Variants in IGF2BP1 observed in about 807,000 individuals in gnomAD.
IGF2BP1 encodes the protein insulin-like growth factor 2 mRNA-binding protein 1.
IGF2BP1 carries 11 observed loss-of-function variants against 74.9 expected under a neutral mutation model. That is an observed-to-expected ratio of 0.15 (90% CI 0.09 to 0.24). The LOEUF is 0.24. Among genes scored for constraint, IGF2BP1 ranks in the 10% least tolerant of loss-of-function variants. IGF2BP1 has a pLI of 1.00. For missense variants in IGF2BP1, 440 were observed against 757.4 expected (o/e 0.58, Z 4.92); for synonymous variants, 287 against 281.8 (o/e 1.02, Z -0.18).
chr17:49,031,473 G>A (rs1408053864), intron 4 of IGF2BP1, among the ~76,000 whole-genome samples: 2 of 151,900 alleles, frequency 1.3e-5, no homozygotes, highest in African/African-American at 2.4e-5. Context: ...TCAAGTTGGA[G>A]TATCTGCCAG....
intron 2 of IGF2BP1, among the ~76,000 whole-genome samples, chr17:49,016,911 C>T (rs1007894555): frequency 2.6e-5 from 4 of 150,998 alleles, no homozygotes; most frequent in Non-Finnish European, 5.9e-5. Flanking sequence ...TCCTCCCCTC[C>T]CCGCCCCCGC....
rs2144165908 is a variant in IGF2BP1 at position 49,050,209 on chromosome 17, C to G, written c.*765C>G. 1 of 152,756 alleles carries G rather than the reference C, an allele frequency of 6.5e-6. No homozygotes were observed. The highest frequency in any genetic ancestry group is 1.5e-5 in the Non-Finnish European group (1 of 68,048). 9.5% of individuals were successfully genotyped at this position (152,756 alleles called of 1,614,324 possible). ...AATTTCCCCACTCTGTTGGGGCTTC[C>G]CCACCACATTCATGTCCCTCTCCCG... On this transcript the variant is annotated 3_prime_UTR_variant, in exon 15 of 15. Transcript: ENST00000290341.
chr17:49,019,666 T>TTATTTGTAA, intron 2 of IGF2BP1, among the ~76,000 whole-genome samples: 1 of 151,894 alleles, frequency 6.6e-6, no homozygotes, highest in African/African-American at 2.4e-5. Context: ...AGTATGTATT[T>TTATTTGTAA]CTAAAATATA....
rs1485559703 is a variant in IGF2BP1, at chr17:48,999,176, A to G, written c.236+7A>G. The G allele has an allele frequency of 1.1e-5, 9 of 786,746 alleles. 1 individual carries two copies. The highest frequency in any genetic ancestry group is 1.8e-5 in the Non-Finnish European group (9 of 504,142). 48.7% of individuals were successfully genotyped at this position (786,746 alleles called of 1,614,324 possible). On this transcript the variant is annotated splice_region_variant and intron_variant, in intron 2 of 14. Transcript: ENST00000290341. ...CGGTGCCCAAAAAACAAAGGTAGGA[A>G]AGAGCTCTTTTCGGGGGGGGTGGGG...
At chr17:49,022,928 A>T (rs2041810228) in intron 2 of IGF2BP1, among the ~76,000 whole-genome samples, 1 of 152,224 alleles carries the variant, frequency 6.6e-6, no homozygotes. Context: ...CTTCATCCAG[A>T]CATCCAGAAG....
chr17:49,043,730 C>T lies in IGF2BP1; in HGVS notation c.1200+180C>T, dbSNP rs182261413. On this transcript the variant is annotated intron_variant, in intron 10 of 14. Transcript: ENST00000290341. Reference sequence around the variant, plus strand: ...CACTGGCTCTGAGGCTCCCAAATGTCTGCCTAGAATGCTCCCGGGGCATAG... The same window carrying T: ...CACTGGCTCTGAGGCTCCCAAATGTTTGCCTAGAATGCTCCCGGGGCATAG... Among the ~76,000 whole-genome samples the T allele has an allele frequency of 9.8e-5, 15 of 152,300 alleles. No homozygotes were observed. The East Asian group carries it at 1.9e-3, about 20-fold the overall frequency.
chr17:49,044,232 CTT>C (rs2042085191), intron 11 of IGF2BP1, 146 bp downstream of exon 11: 1 of 1,233,460 alleles, frequency 8.1e-7, no homozygotes, highest in Non-Finnish European at 1.1e-6. Flanking sequence ...TCGAAGTCCT[CTT>C]TGTTTTTGAT....
At chr17:49,046,626 T>C (rs959297703) in intron 14 of IGF2BP1, among the ~76,000 whole-genome samples, 1 of 149,604 alleles carries the variant, frequency 6.7e-6, no homozygotes, top group Non-Finnish European at 1.5e-5. Flanking sequence ...TATAACATTA[T>C]ATATATAAAT....
intron 1 of IGF2BP1, among the ~76,000 whole-genome samples, chr17:48,998,415 C>G (rs890921976): frequency 7.2e-5 from 11 of 152,256 alleles, no homozygotes; most frequent in African/African-American, 2.4e-4. Flanking sequence ...TGCAGCCCTC[C>G]AGCAGGACTT....
chr17:49,042,623 A>G (rs984684058), intron 9 of IGF2BP1, among the ~76,000 whole-genome samples: 2 of 152,076 alleles, frequency 1.3e-5, no homozygotes, highest in Non-Finnish European at 1.5e-5. Flanking sequence ...TATGTGTACA[A>G]TTTGTGTTTG....
At chr17:49,009,822 G>A (rs975023236) in intron 2 of IGF2BP1, among the ~76,000 whole-genome samples, 2 of 152,082 alleles carry the variant, frequency 1.3e-5, no homozygotes, top group Non-Finnish European at 2.9e-5. Flanking sequence ...GCTCACACCT[G>A]TAATCCCAGC....
rs1446142762 is a variant in IGF2BP1, at chr17:49,053,518, T to C, written c.*4074T>C. On this transcript the variant is annotated 3_prime_UTR_variant, in exon 15 of 15. Coordinates refer to ENST00000290341, the MANE Select transcript of IGF2BP1 (RefSeq NM_006546.4). ...TGCACTTTGGGGAAGGAGAGGAAGT[T>C]TGGGGCTCCAGGTAGCTCCCTGTTG... 6.5e-6 allele frequency: 1 copy of C among 152,968 alleles called. No homozygotes were observed. Among genetic ancestry groups the C allele is most frequent in the African/African-American group, 2.4e-5 (1 of 41,466 alleles). The allele number at this position is 152,968 out of a possible 1,614,324, so 9.5% of individuals were successfully genotyped here.
chr17:49,049,458 G>A lies in IGF2BP1; in HGVS notation c.*14G>A. ...CGGAGGAAGTGACCAGCCCCTCCCT[G>A]TCCCTTCGAGTCCAGGACAACAACG... On this transcript the variant is annotated 3_prime_UTR_variant, in exon 15 of 15. Transcript: ENST00000290341. The A allele has an allele frequency of 6.2e-7, 1 of 1,607,474 alleles. No homozygotes were observed. The highest frequency in any genetic ancestry group is 8.5e-7 in the Non-Finnish European group (1 of 1,174,312).
At chr17:49,039,097 C>T (rs1343176462) in intron 6 of IGF2BP1, among the ~76,000 whole-genome samples, 5 of 151,972 alleles carry the variant, frequency 3.3e-5, no homozygotes, top group South Asian at 2.1e-4. Flanking sequence ...AGGCTGGTTA[C>T]GAACTCCTGA....
intron 5 of IGF2BP1, among the ~76,000 whole-genome samples, chr17:49,034,574 T>A (rs1416879479): frequency 6.6e-6 from 1 of 151,648 alleles, no homozygotes; most frequent in Non-Finnish European, 1.5e-5. Flanking sequence ...ACCCCATCTC[T>A]ATAAAAATTA....
chr17:49,035,136 G>A (rs993358867), intron 5 of IGF2BP1, among the ~76,000 whole-genome samples: 1 of 152,216 alleles, frequency 6.6e-6, no homozygotes, highest in Non-Finnish European at 1.5e-5. Context: ...TTACGTTTAT[G>A]ATCGGCTGGT....
At chr17:49,027,243 C>T (rs1302351078) in intron 4 of IGF2BP1, among the ~76,000 whole-genome samples, 1 of 152,152 alleles carries the variant, frequency 6.6e-6, no homozygotes, top group Non-Finnish European at 1.5e-5. Context: ...CTGGAGTCTC[C>T]AGGCTCTTAG....
intron 4 of IGF2BP1, 41 bp from the exon 5 acceptor site, chr17:49,031,869 A>G (rs1381395716): frequency 6.3e-7 from 1 of 1,585,266 alleles, no homozygotes; most frequent in Non-Finnish European, 8.6e-7. Flanking sequence ...TTGGGCCTCC[A>G]GATTTCCCTG....
intron 4 of IGF2BP1, among the ~76,000 whole-genome samples, chr17:49,028,325 T>G (rs1411648541): frequency 6.6e-6 from 1 of 152,174 alleles, no homozygotes; most frequent in East Asian, 1.9e-4. Context: ...CCTCTCCAAA[T>G]TATTTGTGGA....
Sources: allele counts gnomAD v4.1 joint callset (sites outside exome capture counted in the v4.1 genomes callset), GRCh38; gene constraint gnomAD v4.1.1; transcripts MANE v1.5; gene names NCBI Gene and HGNC (gene_info 2026-07-23, HGNC 2026-07-21).